The following PKHD1 variants were observed in gnomAD, a reference collection of about 807,000 sequenced individuals.
The protein encoded by PKHD1 is PKHD1 ciliary IPT domain containing fibrocystin/polyductin.
In PKHD1, 291 loss-of-function variants were observed where a neutral mutation model predicts 412.0. The ratio of observed to expected loss-of-function variants is 0.71; its 90% CI spans 0.64 to 0.78. PKHD1 has a LOEUF of 0.78. PKHD1 is among the 30% of genes least tolerant of loss of function. The pLI is 0.00. For synonymous variants in PKHD1, 1,777 were observed against 1,821.5 expected (o/e 0.98, Z 0.62); for missense variants, 4,825 against 4,950.7 (o/e 0.97, Z 0.76).
At chr6:51,886,449 G>A (rs1218088868) in intron 44 of PKHD1, among the ~76,000 whole-genome samples, 1 of 152,184 alleles carries the variant, frequency 6.6e-6, no homozygotes, top group Non-Finnish European at 1.5e-5. Flanking sequence ...ATTTGCAATG[G>A]AATATTATTC....
At chr6:51,891,410 G>A (rs1050934784) in intron 43 of PKHD1, among the ~76,000 whole-genome samples, 1 of 152,068 alleles carries the variant, frequency 6.6e-6, no homozygotes, top group African/African-American at 2.4e-5. Context: ...CTCCTGAGTA[G>A]CTGGGATTAC....
intron 36 of PKHD1, among the ~76,000 whole-genome samples, chr6:51,941,633 A>C (rs1160111065): frequency 6.6e-6 from 1 of 151,644 alleles, no homozygotes. Flanking sequence ...CAAGGCTTAC[A>C]GGTTAGTTCA....
chr6:51,800,038 A>G (rs562602835), intron 52 of PKHD1, among the ~76,000 whole-genome samples: 1 of 152,288 alleles, frequency 6.6e-6, no homozygotes, highest in South Asian at 2.1e-4. Context: ...CTGTTGCTCA[A>G]TGGGTGGCTG....
rs1447327854 is a variant in PKHD1, at chr6:51,912,558, A to G, written c.6140T>C (p.Ile2047Thr). The G allele has an allele frequency of 2.5e-6, 4 of 1,612,424 alleles. No homozygotes were observed. The African/African-American group carries it at 5.3e-5, about 22-fold the overall frequency. Reference sequence around the variant, plus strand: ...GGCAGTTGCTCTAAGACAGGTGACAATTACTTCTGGTAGTGAACCTAAAGC... The same window carrying G: ...GGCAGTTGCTCTAAGACAGGTGACAGTTACTTCTGGTAGTGAACCTAAAGC... Reference protein sequence around the residue: ...LSLHGSLPEVIVTCLRATAHA... With the variant: ...LSLHGSLPEVTVTCLRATAHA... Residue 2047 changes from isoleucine (I) to threonine (T), a missense_variant, in exon 38 of 67, where the codon ATT becomes ACT. Physicochemically the swap from Ile to Thr is moderately conservative, Grantham distance 89. Transcript: ENST00000371117.
intron 60 of PKHD1, among the ~76,000 whole-genome samples, chr6:51,731,642 G>T (rs763570949): frequency 3.3e-5 from 5 of 152,044 alleles, no homozygotes; most frequent in Non-Finnish European, 5.9e-5. Context: ...GGCTACATCT[G>T]ATGACCACTG....
intron 52 of PKHD1, among the ~76,000 whole-genome samples, chr6:51,824,456 G>A (rs1381691721): frequency 6.6e-6 from 1 of 152,086 alleles, no homozygotes; most frequent in Non-Finnish European, 1.5e-5. Flanking sequence ...CAGTGGTGAG[G>A]ACACGACTTT....
intron 35 of PKHD1, among the ~76,000 whole-genome samples, chr6:51,975,366 T>C (rs534558767): frequency 5.9e-5 from 9 of 151,998 alleles, no homozygotes; most frequent in South Asian, 2.1e-4. Context: ...ACCCAGGGAA[T>C]TGGAGAAAAT....
At chr6:51,912,179 C>T (rs1783059828) in intron 38 of PKHD1, among the ~76,000 whole-genome samples, 187 bp downstream of exon 38, 1 of 152,104 alleles carries the variant, frequency 6.6e-6, no homozygotes, top group Non-Finnish European at 1.5e-5. Context: ...AGAGACAAGA[C>T]AAACTAACTT....
At chr6:52,011,409 G>T (rs1581732627) in intron 34 of PKHD1, among the ~76,000 whole-genome samples, 1 of 152,180 alleles carries the variant, frequency 6.6e-6, no homozygotes, top group East Asian at 1.9e-4. Context: ...TTAGGAAGAG[G>T]TGTAAAAAGT....
intron 46 of PKHD1, among the ~76,000 whole-genome samples, chr6:51,881,075 CTT>C (rs371470393): frequency 5.4e-4 from 72 of 134,016 alleles, no homozygotes; most frequent in Non-Finnish European, 8.0e-4. Context: ...CTTTTTCTTT[CTT>C]TTTTTTTTTT....
intron 37 of PKHD1, among the ~76,000 whole-genome samples, chr6:51,917,195 G>GGA (rs70977317): frequency 0.32 from 36,106 of 113,532 alleles, 6,168 homozygotes; most frequent in East Asian, 0.74. Flanking sequence ...GAGGTGGGGG[G>GGA]GAGAGAGAGA....
intron 53 of PKHD1, among the ~76,000 whole-genome samples, chr6:51,783,635 A>C (rs889719363): frequency 2.0e-5 from 3 of 152,020 alleles, no homozygotes; most frequent in Non-Finnish European, 2.9e-5. Context: ...ATAAGAGGAG[A>C]CATTGATGAA....
rs1799620228 is a variant in PKHD1, at chr6:52,010,167, A to G, written c.5751+142T>C. The G allele has an allele frequency of 4.2e-6, 3 of 718,380 alleles. No homozygotes were observed. In the Admixed American group the frequency reaches 6.6e-5, roughly 16 times the overall value. The allele number at this position is 718,380 out of a possible 1,614,324, so 44.5% of individuals were successfully genotyped here. ...TTAACTATGAATTCAGATATTGTGC[A>G]TTAGACCAGCTTCTCAAAGTTTGAG... On this transcript the variant is annotated intron_variant, in intron 35 of 66. Coordinates refer to ENST00000371117, the MANE Select transcript of PKHD1 (RefSeq NM_138694.4).
Position 51,946,435 on chromosome 6 carries a change from C to T in PKHD1, c.5909-12113G>A, listed in dbSNP as rs115739624. Among the ~76,000 whole-genome samples the T allele has an allele frequency of 2.5e-3, 374 of 152,266 alleles. 3 individuals carry two copies. Among genetic ancestry groups the T allele is most frequent in the African/African-American group, 8.0e-3 (334 of 41,558 alleles). ...TATGTGAAAGAAGATAAAGTTTATA[C>T]TTAATCTATCTTTATGCCAAGGCAC... On this transcript the variant is annotated intron_variant, in intron 36 of 66. Transcript: ENST00000371117.
chr6:51,884,844 A>C (rs866157315), intron 45 of PKHD1, among the ~76,000 whole-genome samples: 3 of 116,136 alleles, frequency 2.6e-5, no homozygotes, highest in Non-Finnish European at 5.4e-5. Flanking sequence ...AAATGTTTCC[A>C]CTAGATTTGT....
intron 37 of PKHD1, among the ~76,000 whole-genome samples, chr6:51,925,820 C>A (rs1785507683): frequency 6.6e-6 from 1 of 151,924 alleles, no homozygotes; most frequent in Non-Finnish European, 1.5e-5. Flanking sequence ...CTCTCTCTCT[C>A]TTTTTATCTC....
At chr6:51,654,134 T>C (rs1231322430) in intron 61 of PKHD1, among the ~76,000 whole-genome samples, 1 of 152,168 alleles carries the variant, frequency 6.6e-6, no homozygotes, top group Non-Finnish European at 1.5e-5. Context: ...TGATAATTTA[T>C]TGTGATTTAC....
At chr6:51,920,174 G>A (rs1018307134) in intron 37 of PKHD1, among the ~76,000 whole-genome samples, 7 of 152,236 alleles carry the variant, frequency 4.6e-5, no homozygotes, top group African/African-American at 9.6e-5. Context: ...TTGAATAGGC[G>A]TGGTGAGAGA....
chr6:51,956,988 G>A (rs924869957), intron 36 of PKHD1, among the ~76,000 whole-genome samples: 10 of 152,022 alleles, frequency 6.6e-5, no homozygotes, highest in South Asian at 2.1e-4. Flanking sequence ...ATTTTTAAAG[G>A]AAATGGACCA....
Sources: allele counts gnomAD v4.1 joint callset (sites outside exome capture counted in the v4.1 genomes callset), GRCh38; gene constraint gnomAD v4.1.1; transcripts MANE v1.5; gene names NCBI Gene and HGNC (gene_info 2026-07-23, HGNC 2026-07-21).